Variants in MBP observed in about 807,000 individuals in gnomAD.
MBP encodes the protein myelin basic protein, also known as Golli-MBP.
Under a neutral mutation model 35.8 loss-of-function variants are expected in MBP, and 16 were observed. The observed-to-expected ratio is 0.45, with a 90% CI of 0.30 to 0.68. MBP has a LOEUF of 0.68. Among genes scored for constraint, MBP ranks in the 30% least tolerant of loss-of-function variants. The pLI, the probability that MBP is intolerant of heterozygous loss-of-function variation, is 0.08. For missense variants in MBP, 380 were observed against 404.7 expected (o/e 0.94, Z 0.52); for synonymous variants, 143 against 159.6 (o/e 0.90, Z 0.78).
At chr18:77,082,869 G>GAAGGACGAGGAATCCTTCCTCCC (rs1568330809) in intron 2 of MBP, among the ~76,000 whole-genome samples, 4 of 152,194 alleles carry the variant, frequency 2.6e-5, no homozygotes, top group East Asian at 1.9e-4. Context: ...ATGTGGTTCA[G>GAAGGACGAGGAATCCTTCCTCCC]TGCCAGGATC....
At chr18:77,069,530 A>G (rs982613024) in intron 2 of MBP, among the ~76,000 whole-genome samples, 11 of 152,220 alleles carry the variant, frequency 7.2e-5, no homozygotes, top group African/African-American at 2.7e-4. Context: ...TAGGACCAGT[A>G]GTGTCCTCCC....
chr18:77,035,532 T>C (rs470549), intron 3 of MBP, among the ~76,000 whole-genome samples: 137,450 of 152,268 alleles, frequency 0.9, 62,217 homozygotes, highest in South Asian at 0.96. Context: ...GTGCTCTCCC[T>C]GTGCTAGGAT....
Position 77,088,707 on chromosome 18 carries a change from A to T in MBP, c.51+16504T>A, listed in dbSNP as rs188044852. Among the ~76,000 whole-genome samples, 404 of 152,228 alleles carry T rather than the reference A, an allele frequency of 2.7e-3. 6 individuals are homozygous for T. The East Asian group carries it at 0.035, about 13-fold the overall frequency. ...TACAAAAGATCAGTAGGATAAAAAA[A>T]TTTTTTTTGAATAAAACTTTACAAA... On this transcript the variant is annotated intron_variant, in intron 2 of 8. Transcript: ENST00000355994.
chr18:76,987,913 C>A, intron 7 of MBP: 1 of 1,114,058 alleles, frequency 9.0e-7, no homozygotes, highest in Non-Finnish European at 1.1e-6. Context: ...TATTAACCAG[C>A]CTAAAATTCC....
chr18:76,991,637 C>A (rs986979870), intron 4 of MBP, among the ~76,000 whole-genome samples: 1 of 152,154 alleles, frequency 6.6e-6, no homozygotes, highest in African/African-American at 2.4e-5. Context: ...CACTGCTGCT[C>A]CCAGATGCTA....
In MBP at chr18:77,102,911, C is replaced by A. The variant is rs1976095943; in HGVS notation, c.51+2300G>T. Among the ~76,000 whole-genome samples the A allele has an allele frequency of 6.6e-6, 1 of 152,182 alleles. No individual in the cohort carries two copies. Among genetic ancestry groups the A allele is most frequent in the Non-Finnish European group, 1.5e-5 (1 of 68,028 alleles). ...TTCTTAATAAATTAGTAACTTAATA[C>A]ATTTATGGTTGTTATTGCTAATTAT... On this transcript the variant is annotated intron_variant, in intron 2 of 8. Coordinates refer to ENST00000355994, the MANE Select transcript of MBP (RefSeq NM_001025101.2). This position sits in a 1 kb window ranked among gnomAD's most constrained non-coding sequence, Gnocchi z 4.4.
chr18:77,044,781 T>C lies in MBP; in HGVS notation c.139+21517A>G, dbSNP rs1973160982. On this transcript the variant is annotated intron_variant, in intron 3 of 8. Coordinates refer to ENST00000355994, the MANE Select transcript of MBP (RefSeq NM_001025101.2). This position sits in a 1 kb window ranked among gnomAD's most constrained non-coding sequence, Gnocchi z 4.4. ...AATGTTCATTTAGAAAAGTTGTATC[T>C]GTTTTCTTTCCAAATAAATTTACTT... Among the ~76,000 whole-genome samples, 1 of 152,180 alleles carries C rather than the reference T, an allele frequency of 6.6e-6. No individual in the cohort carries two copies. The highest frequency in any genetic ancestry group is 1.5e-5 in the Non-Finnish European group (1 of 68,048).
intron 4 of MBP, among the ~76,000 whole-genome samples, chr18:76,997,801 A>C (rs1268934): frequency 1.1e-3 from 161 of 151,086 alleles, no homozygotes; most frequent in African/African-American, 3.4e-3. Context: ...TCCTGCCTCA[A>C]CCTCCCGAGT....
intron 2 of MBP, among the ~76,000 whole-genome samples, chr18:77,077,503 G>A (rs1974713069): frequency 1.3e-5 from 2 of 152,094 alleles, no homozygotes; most frequent in South Asian, 4.1e-4. Flanking sequence ...TCCCCAAAAT[G>A]TCTGGGTAGA....
intron 2 of MBP, among the ~76,000 whole-genome samples, chr18:77,089,857 T>G (rs995310220): frequency 6.6e-6 from 1 of 152,248 alleles, no homozygotes; most frequent in African/African-American, 2.4e-5. Context: ...CTTCTTGCCC[T>G]AGCTCCTAGG....
At chr18:77,094,497 T>C (rs1363955748) in intron 2 of MBP, among the ~76,000 whole-genome samples, 1 of 152,228 alleles carries the variant, frequency 6.6e-6, no homozygotes, top group Non-Finnish European at 1.5e-5. Flanking sequence ...GGGTGCCACG[T>C]TAAATGACGA....
intron 3 of MBP, among the ~76,000 whole-genome samples, chr18:77,029,467 A>AGG (rs1972459051): frequency 4.8e-5 from 5 of 103,430 alleles, no homozygotes; most frequent in African/African-American, 8.1e-5. Flanking sequence ...GGAGGGGGAG[A>AGG]GGGACCCCAG....
chr18:77,125,328 C>T (rs533643634), intron 1 of MBP, among the ~76,000 whole-genome samples: 9 of 152,082 alleles, frequency 5.9e-5, no homozygotes, highest in African/African-American at 1.7e-4. Context: ...CTAATTAGTT[C>T]GAACATATTA....
intron 2 of MBP, among the ~76,000 whole-genome samples, chr18:77,078,557 G>A (rs1476207155): frequency 2.0e-5 from 3 of 152,188 alleles, no homozygotes; most frequent in Non-Finnish European, 4.4e-5. Context: ...CTATCTTTGC[G>A]TTCAGCCAGA....
intron 3 of MBP, among the ~76,000 whole-genome samples, chr18:77,036,164 AG>A (rs1407096806): frequency 9.1e-5 from 12 of 131,996 alleles, no homozygotes; most frequent in Non-Finnish European, 1.4e-4. Context: ...CACATTTTGG[AG>A]GACTGAGCTG....
At chr18:77,091,275 A>G (rs753552185) in intron 2 of MBP, among the ~76,000 whole-genome samples, 3 of 152,330 alleles carry the variant, frequency 2.0e-5, no homozygotes, top group Non-Finnish European at 4.4e-5. Context: ...GTATTTGGTT[A>G]TATATGAATT....
chr18:77,062,852 C>T (rs977818620), intron 3 of MBP, among the ~76,000 whole-genome samples: 9 of 152,218 alleles, frequency 5.9e-5, no homozygotes, highest in African/African-American at 2.2e-4. Context: ...TATTGCCTTT[C>T]GACGTTCACA....
At chr18:77,081,847 T>TAC in intron 2 of MBP, among the ~76,000 whole-genome samples, 1 of 14,616 alleles carries the variant, frequency 6.8e-5, no homozygotes, top group South Asian at 4.5e-3. Flanking sequence ...CACACATATA[T>TAC]ATATATATAT....
intron 3 of MBP, among the ~76,000 whole-genome samples, chr18:77,034,051 CAAA>C (rs398033591): frequency 2.6e-3 from 186 of 70,534 alleles, no homozygotes; most frequent in Middle Eastern, 0.013. Flanking sequence ...CCTAATGGGG[CAAA>C]AAAAAAAAAA....
Sources: allele counts gnomAD v4.1 joint callset (sites outside exome capture counted in the v4.1 genomes callset), GRCh38; gene constraint gnomAD v4.1.1; non-coding constraint Gnocchi (gnomAD v3.1); transcripts MANE v1.5; gene names NCBI Gene and HGNC (gene_info 2026-07-23, HGNC 2026-07-21).